SYN3: variants seen among roughly 807,000 people sequenced by gnomAD.
SYN3 encodes synapsin-3.
SYN3 carries 35 observed loss-of-function variants against 65.8 expected under a neutral mutation model. The ratio of observed to expected loss-of-function variants is 0.53; its 90% CI spans 0.41 to 0.70. The LOEUF (loss-of-function observed/expected upper bound fraction) is 0.70. Among genes scored for constraint, SYN3 ranks in the 30% least tolerant of loss-of-function variants. The pLI, the probability that SYN3 is intolerant of heterozygous loss-of-function variation, is 0.00. For synonymous variants in SYN3, 270 were observed against 292.9 expected, an observed-to-expected ratio of 0.92 and a Z score of 0.80; for missense variants, 680 against 749.0, an observed-to-expected ratio of 0.91 and a Z score of 1.08.
chr22:32,819,583 A>G (rs1471018093), intron 6 of SYN3, among the ~76,000 whole-genome samples: 3 of 152,142 alleles, frequency 2.0e-5, no homozygotes, highest in East Asian at 3.9e-4. Flanking sequence ...GCAGAGTGCT[A>G]AGGTCACAAA....
At chr22:32,815,818 C>T (rs559697220) in intron 6 of SYN3, among the ~76,000 whole-genome samples, 50 of 152,214 alleles carry the variant, frequency 3.3e-4, no homozygotes, top group East Asian at 2.5e-3. Flanking sequence ...CTCCAGAGTC[C>T]GAGCAATCTC....
intron 6 of SYN3, among the ~76,000 whole-genome samples, chr22:32,734,250 G>A (rs562598694): frequency 3.3e-5 from 5 of 152,298 alleles, no homozygotes; most frequent in Admixed American, 6.5e-5. Context: ...GTGGATACAC[G>A]CATGCAGGAT....
At chr22:32,805,881 A>T (rs2046720628) in intron 6 of SYN3, among the ~76,000 whole-genome samples, 1 of 152,034 alleles carries the variant, frequency 6.6e-6, no homozygotes. Flanking sequence ...GGTTTTCTTT[A>T]AAAATATGAA....
Position 32,566,782 on chromosome 22 carries a change from T to C in SYN3, c.775-25069A>G, listed in dbSNP as rs1449041521. 2.0e-5 allele frequency among the ~76,000 whole-genome samples: 3 copies of C among 152,196 alleles called. 1 individual carries two copies. The highest frequency in any genetic ancestry group is 4.1e-4 in the South Asian group (2 of 4,828). On this transcript the variant is annotated intron_variant, in intron 7 of 13. Transcript: ENST00000358763. ...GCTCAGCAAAGACTTATTTATTCTT[T>C]TCAAATCTAAATGAGACTTGAACAT...
intron 6 of SYN3, among the ~76,000 whole-genome samples, chr22:32,735,515 GT>G (rs2061327104): frequency 6.6e-6 from 1 of 151,026 alleles, no homozygotes; most frequent in Non-Finnish European, 1.5e-5. Flanking sequence ...TTGTTTGTTT[GT>G]TTTGTTTTTT....
At chr22:32,655,846 A>ACTCC (rs2060135066) in intron 6 of SYN3, among the ~76,000 whole-genome samples, 1 of 152,176 alleles carries the variant, frequency 6.6e-6, no homozygotes, top group Admixed American at 6.5e-5. Flanking sequence ...TCATCCTGAA[A>ACTCC]CCATCCCTCC....
At chr22:32,523,954 A>G (rs1350964670) in intron 12 of SYN3, among the ~76,000 whole-genome samples, 2 of 152,270 alleles carry the variant, frequency 1.3e-5, no homozygotes, top group African/African-American at 2.4e-5. Context: ...GTCTGGAAAG[A>G]AGATCAAACC....
intron 6 of SYN3, among the ~76,000 whole-genome samples, chr22:32,611,296 T>G (rs1269631793): frequency 6.1e-5 from 9 of 148,290 alleles, no homozygotes; most frequent in South Asian, 4.3e-4. Flanking sequence ...TTTTTTTTTT[T>G]TTTTTTTTTG....
chr22:32,933,841 A>C (rs1376047454), intron 3 of SYN3, among the ~76,000 whole-genome samples: 1 of 152,164 alleles, frequency 6.6e-6, no homozygotes, highest in Non-Finnish European at 1.5e-5. Context: ...AAAACAACCC[A>C]TTTAAAGAAA....
intron 6 of SYN3, among the ~76,000 whole-genome samples, chr22:32,803,837 C>A (rs1417052664): frequency 1.3e-5 from 2 of 152,204 alleles, no homozygotes; most frequent in Non-Finnish European, 2.9e-5. Flanking sequence ...GGTGACTTCA[C>A]TTGCGTTTTT....
At chr22:32,858,077 A>G in intron 6 of SYN3, 6 of 1,614,182 alleles carry the variant, frequency 3.7e-6, no homozygotes, top group Non-Finnish European at 5.1e-6. Flanking sequence ...AGGTGGGACC[A>G]GCTCACCCTC....
chr22:32,820,242 C>CTG (rs3054173), intron 6 of SYN3, among the ~76,000 whole-genome samples: 43,108 of 148,806 alleles, frequency 0.29, 6,267 homozygotes, highest in Middle Eastern at 0.35. Flanking sequence ...CCTTTCTCCC[C>CTG]TGTGTGTGTG....
intron 2 of SYN3, among the ~76,000 whole-genome samples, chr22:32,993,045 C>T (rs879748004): frequency 1.3e-5 from 2 of 152,124 alleles, no homozygotes; most frequent in Non-Finnish European, 2.9e-5. Context: ...ACAAGCCGGG[C>T]TTGTTCTTCC....
intron 4 of SYN3, among the ~76,000 whole-genome samples, chr22:32,882,309 C>T (rs1004035130): frequency 6.6e-6 from 1 of 152,098 alleles, no homozygotes; most frequent in South Asian, 2.1e-4. Flanking sequence ...CCACTCTGAC[C>T]GCCTGGCTAA....
At chr22:32,868,261 T>C (rs2146341901) in intron 5 of SYN3, among the ~76,000 whole-genome samples, 1 of 151,782 alleles carries the variant, frequency 6.6e-6, no homozygotes, top group African/African-American at 2.4e-5. Context: ...CACCATATCA[T>C]AATGTTATAT....
At chr22:32,597,258 CA>C (rs1776872110) in intron 6 of SYN3, among the ~76,000 whole-genome samples, 1 of 132,202 alleles carries the variant, frequency 7.6e-6, no homozygotes, top group African/African-American at 2.8e-5. Context: ...TCTTGTTGCC[CA>C]GGCTGGAGTG....
chr22:32,643,105 A>C (rs891796649), intron 6 of SYN3, among the ~76,000 whole-genome samples: 3 of 152,014 alleles, frequency 2.0e-5, no homozygotes, highest in Admixed American at 1.3e-4. Flanking sequence ...TTGAGATGGA[A>C]TCTCACTCTG....
At chr22:33,041,909 C>T (rs1406359453) in intron 1 of SYN3, among the ~76,000 whole-genome samples, 2 of 152,202 alleles carry the variant, frequency 1.3e-5, no homozygotes, top group East Asian at 3.8e-4. Flanking sequence ...TGCTGTACTC[C>T]TGCATTACCT....
In SYN3 at chr22:32,569,571, C is replaced by CTCTCTA. The variant is rs1205661126; in HGVS notation, c.774+27102_774+27103insTAGAGA. Among the ~76,000 whole-genome samples, 44 of 90,934 alleles carry CTCTCTA rather than the reference C, an allele frequency of 4.8e-4. 1 individual carries two copies. Among genetic ancestry groups the CTCTCTA allele is most frequent in the Non-Finnish European group, 7.2e-4 (32 of 44,714 alleles). 59.7% of individuals were successfully genotyped at this position (90,934 alleles called of 152,430 possible). ...TCTCTCTCTCTCTCTCTCTCTCTCT[C>CTCTCTA]TATATATATATATATATAAAATCTA... On this transcript the variant is annotated intron_variant, in intron 7 of 13. Coordinates refer to ENST00000358763, the MANE Select transcript of SYN3 (RefSeq NM_003490.4).
Sources: allele counts gnomAD v4.1 joint callset (sites outside exome capture counted in the v4.1 genomes callset), GRCh38; gene constraint gnomAD v4.1.1; transcripts MANE v1.5; gene names NCBI Gene and HGNC (gene_info 2026-07-23, HGNC 2026-07-21).